Variants in L3MBTL4 observed in about 807,000 individuals in gnomAD.
L3MBTL4 encodes the protein L3MBTL histone methyl-lysine binding protein 4, also known as lethal(3)malignant brain tumor-like protein 4.
L3MBTL4 carries 70 observed loss-of-function variants against 84.5 expected under a neutral mutation model. The ratio of observed to expected loss-of-function variants is 0.83; its 90% CI spans 0.68 to 1.01. The LOEUF is 1.01. Ranked by LOEUF, L3MBTL4 falls within the 50% of genes least tolerant of loss-of-function variation. The pLI, the probability that L3MBTL4 is intolerant of heterozygous loss-of-function variation, is 0.00. For synonymous variants in L3MBTL4, 274 were observed against 259.8 expected, an observed-to-expected ratio of 1.05 and a Z score of -0.52; for missense variants, 715 against 754.8, an observed-to-expected ratio of 0.95 and a Z score of 0.62.
intron 7 of L3MBTL4, among the ~76,000 whole-genome samples, chr18:6,241,962 C>A (rs2047469086): frequency 6.6e-6 from 1 of 152,214 alleles, no homozygotes; most frequent in South Asian, 2.1e-4. Flanking sequence ...CCAATGCCCA[C>A]TCCACAGCTC....
chr18:6,035,612 G>A (rs1364984133), intron 16 of L3MBTL4, among the ~76,000 whole-genome samples: 1 of 152,178 alleles, frequency 6.6e-6, no homozygotes, highest in Non-Finnish European at 1.5e-5. Context: ...TTTTGGCTTA[G>A]GATTGACTTG....
intron 13 of L3MBTL4, among the ~76,000 whole-genome samples, chr18:6,164,900 T>C (rs1334723587): frequency 6.6e-6 from 1 of 152,122 alleles, no homozygotes; most frequent in Non-Finnish European, 1.5e-5. Flanking sequence ...AGGAAGAAGT[T>C]TGAACCAATG....
chr18:6,014,200 C>T (rs765572395), intron 16 of L3MBTL4, among the ~76,000 whole-genome samples: 1 of 152,168 alleles, frequency 6.6e-6, no homozygotes, highest in African/African-American at 2.4e-5. Context: ...AATGGTTACA[C>T]AAACATAATG....
intron 16 of L3MBTL4, among the ~76,000 whole-genome samples, chr18:6,067,990 T>C (rs1465833113): frequency 6.6e-6 from 1 of 152,204 alleles, no homozygotes; most frequent in Admixed American, 6.5e-5. Flanking sequence ...TTTTCCCTCT[T>C]AAGGATCTGA....
At chr18:6,015,660 A>G (rs1220643800) in intron 16 of L3MBTL4, among the ~76,000 whole-genome samples, 1 of 152,218 alleles carries the variant, frequency 6.6e-6, no homozygotes, top group African/African-American at 2.4e-5. Context: ...GAAAGCACTT[A>G]CAAAAAAATT....
In L3MBTL4 at chr18:6,274,578, T is replaced by C. The variant is rs186505392; in HGVS notation, c.128-10540A>G. ...ATTTCAGTCTTCAGTCTATATGTAC[T>C]GTGAAGCCAGTGGATGCTTTAAGCA... On this transcript the variant is annotated intron_variant, in intron 4 of 18. Coordinates refer to ENST00000317931, the MANE Select transcript of L3MBTL4 (RefSeq NM_001330559.2). Among the ~76,000 whole-genome samples, 292 of 152,346 alleles carry C rather than the reference T, an allele frequency of 1.9e-3. 1 individual carries two copies. Among genetic ancestry groups the C allele is most frequent in the Non-Finnish European group, 3.5e-3 (241 of 68,040 alleles).
intron 1 of L3MBTL4, among the ~76,000 whole-genome samples, chr18:6,313,779 T>C (rs1171153277): frequency 1.3e-5 from 2 of 152,212 alleles, no homozygotes; most frequent in Non-Finnish European, 2.9e-5. Context: ...ATAACCTTGA[T>C]TTGTTTAAAA....
At chr18:6,200,983 T>C (rs1218184120) in intron 12 of L3MBTL4, among the ~76,000 whole-genome samples, 1 of 152,174 alleles carries the variant, frequency 6.6e-6, no homozygotes, top group East Asian at 1.9e-4. Flanking sequence ...ACAACTCACA[T>C]TCATTCCTTT....
At chr18:6,219,103 T>C (rs951793093) in intron 10 of L3MBTL4, among the ~76,000 whole-genome samples, 1 of 152,168 alleles carries the variant, frequency 6.6e-6, no homozygotes, top group Non-Finnish European at 1.5e-5. Flanking sequence ...GGTACACTTT[T>C]ATCTACATTT....
intron 16 of L3MBTL4, among the ~76,000 whole-genome samples, chr18:6,000,475 T>A (rs2054164209): frequency 6.6e-6 from 1 of 152,072 alleles, no homozygotes; most frequent in Non-Finnish European, 1.5e-5. Context: ...GGAGTCAGGA[T>A]TATACTCATA....
At chr18:6,281,429 T>C (rs2049316606) in intron 4 of L3MBTL4, among the ~76,000 whole-genome samples, 1 of 152,206 alleles carries the variant, frequency 6.6e-6, no homozygotes, top group South Asian at 2.1e-4. Context: ...CAAAATAGTT[T>C]TAAATACTGT....
chr18:5,959,321 T>C (rs1485399899), intron 18 of L3MBTL4, among the ~76,000 whole-genome samples: 1 of 152,150 alleles, frequency 6.6e-6, no homozygotes, highest in Non-Finnish European at 1.5e-5. Context: ...TCTTCATCGG[T>C]AAGCTGCCAT....
chr18:6,231,916 G>C (rs1010073576), intron 10 of L3MBTL4, among the ~76,000 whole-genome samples: 1 of 151,660 alleles, frequency 6.6e-6, no homozygotes, highest in African/African-American at 2.4e-5. Context: ...AGTCAGGCTA[G>C]ATCTATGCTG....
At chr18:6,115,014 T>C (rs1568144574) in intron 14 of L3MBTL4, among the ~76,000 whole-genome samples, 1 of 152,040 alleles carries the variant, frequency 6.6e-6, no homozygotes, top group African/African-American at 2.4e-5. Context: ...ATTATAATGG[T>C]TGGGGGTTCA....
rs139403076 is a variant in L3MBTL4 at position 6,183,158 on chromosome 18, CTTG to C, written c.982-11219_982-11217del. Among the ~76,000 whole-genome samples, 709 of 152,228 alleles carry C rather than the reference CTTG, an allele frequency of 4.7e-3. 7 individuals carry two copies. The highest frequency in any genetic ancestry group is 0.016 in the African/African-American group (665 of 41,536). On this transcript the variant is annotated intron_variant, in intron 12 of 18. Transcript: ENST00000317931. ...TAATAGAATCCCCAGGGTTTTAATT[CTTG>C]TTAAGAAATCTTTAAATATTTCATC...
At chr18:6,118,546 C>G (rs369970452) in intron 14 of L3MBTL4, among the ~76,000 whole-genome samples, 6 of 151,976 alleles carry the variant, frequency 3.9e-5, no homozygotes, top group Non-Finnish European at 8.8e-5. Flanking sequence ...CATGCTTGTT[C>G]AGTGAAAGAA....
chr18:6,185,914 A>G (rs924109863), intron 12 of L3MBTL4, among the ~76,000 whole-genome samples: 2 of 152,038 alleles, frequency 1.3e-5, no homozygotes, highest in African/African-American at 4.8e-5. Flanking sequence ...TGACTCAGCC[A>G]GAAGACTGAA....
At chr18:6,051,887 G>T (rs2056855712) in intron 16 of L3MBTL4, among the ~76,000 whole-genome samples, 2 of 152,192 alleles carry the variant, frequency 1.3e-5, no homozygotes, top group Non-Finnish European at 2.9e-5. Flanking sequence ...TAATAGTGGG[G>T]GAGAACTGAA....
Position 6,414,090 on chromosome 18 carries a change from G to A in L3MBTL4, c.-91+711C>T, listed in dbSNP as rs1164210883. 6.6e-6 allele frequency: 1 copy of A among 152,272 alleles called. No homozygotes were observed. The highest frequency in any genetic ancestry group is 2.1e-4 in the South Asian group (1 of 4,836). The allele number at this position is 152,272 out of a possible 1,614,324, so 9.4% of individuals were successfully genotyped here. ...GCCCAAGAAGGCCCGGAGAGCAGGC[G>A]AGGGCGACTGTGGCCGGCGCGCCCC... On this transcript the variant is annotated intron_variant, in intron 1 of 18. Coordinates refer to ENST00000317931, the MANE Select transcript of L3MBTL4 (RefSeq NM_001330559.2). The surrounding 1 kb of genome is among the most constrained non-coding windows in gnomAD (Gnocchi z 5.4).
Sources: gnomAD v4.1 joint callset for allele counts (sites outside exome capture counted in the v4.1 genomes callset) on GRCh38, gnomAD v4.1.1 for gene constraint, Gnocchi (gnomAD v3.1) non-coding constraint, MANE v1.5 for transcripts, NCBI Gene and HGNC (gene_info 2026-07-23, HGNC 2026-07-21) for gene names.